The following SCEL variants were observed in gnomAD, a reference collection of about 807,000 sequenced individuals.
The protein encoded by SCEL is sciellin.
SCEL carries 113 observed loss-of-function variants against 117.6 expected under a neutral mutation model. The observed-to-expected ratio is 0.96, with a 90% CI of 0.83 to 1.12. The LOEUF is 1.12. SCEL is among the 50% of genes most tolerant of loss of function. The pLI is 0.00. For synonymous variants in SCEL, 270 were observed against 256.2 expected, an observed-to-expected ratio of 1.05 and a Z score of -0.51; for missense variants, 785 against 810.8, an observed-to-expected ratio of 0.97 and a Z score of 0.39.
intron 19 of SCEL, 60 bp downstream of exon 19, chr13:77,604,475 C>T: frequency 1.5e-6 from 2 of 1,362,276 alleles, no homozygotes; most frequent in East Asian, 2.6e-5. Flanking sequence ...CGTTAGAATT[C>T]TGAGTGTTGG....
At chr13:77,601,126 T>A (rs1020051214) in intron 15 of SCEL, among the ~76,000 whole-genome samples, 8 of 152,132 alleles carry the variant, frequency 5.3e-5, no homozygotes, top group African/African-American at 1.9e-4. Context: ...TTTTTTTTTT[T>A]TTTGTACATG....
At chr13:77,610,188 T>A in intron 22 of SCEL, 82 bp downstream of exon 22, 1 of 996,928 alleles carries the variant, frequency 1.0e-6, no homozygotes, top group Non-Finnish European at 1.5e-6. Flanking sequence ...TGCGGTGGCT[T>A]ACGCCTGTAA....
intron 1 of SCEL, among the ~76,000 whole-genome samples, chr13:77,547,308 C>G (rs889327455): frequency 6.6e-6 from 1 of 152,074 alleles, no homozygotes; most frequent in Non-Finnish European, 1.5e-5. Context: ...TAGATTTACC[C>G]TGAAATCTAT....
chr13:77,599,357 G>A lies in SCEL; in HGVS notation c.826G>A (p.Ala276Thr). ...RNQGLDSLFRANPKVEEREKR... is the reference protein window; with the variant it reads ...RNQGLDSLFRTNPKVEEREKR... ...TCAAGGTCTTGATAGTCTCTTCAGAGCAAATCCAAAGGTAGAAGAAAGAGA... is the reference window on the plus strand; with the variant it reads ...TCAAGGTCTTGATAGTCTCTTCAGAACAAATCCAAAGGTAGAAGAAAGAGA... The change falls in exon 14 of 33, where the codon GCA becomes ACA. Residue 276 changes from alanine (A) to threonine (T), a missense_variant. Physicochemically the swap from Ala to Thr is moderately conservative, Grantham distance 58. Transcript: ENST00000349847. 1 of 1,612,908 alleles carries A rather than the reference G, an allele frequency of 6.2e-7. No homozygotes were observed. The highest frequency in any genetic ancestry group is 8.5e-7 in the Non-Finnish European group (1 of 1,179,280).
intron 1 of SCEL, among the ~76,000 whole-genome samples, chr13:77,545,797 G>A (rs1439116921): frequency 6.6e-6 from 1 of 152,236 alleles, no homozygotes; most frequent in African/African-American, 2.4e-5. Context: ...ATGCCAAAAG[G>A]GAAAGAAAGA....
rs1235211624 is a variant in SCEL, at chr13:77,596,487, A to T, written c.753-1058A>T. ...TTCATGAGCTTATGAATCTTTTCTGAGGTGGGTATGATTAGTATTCTCATT... is the reference window on the plus strand; with the variant it reads ...TTCATGAGCTTATGAATCTTTTCTGTGGTGGGTATGATTAGTATTCTCATT... On this transcript the variant is annotated intron_variant, in intron 12 of 32. Coordinates refer to ENST00000349847, the MANE Select transcript of SCEL (RefSeq NM_144777.3). Among the ~76,000 whole-genome samples, 5 of 152,044 alleles carry T rather than the reference A, an allele frequency of 3.3e-5. No individual in the cohort carries two copies. The East Asian group carries it at 9.6e-4, about 29-fold the overall frequency.
chr13:77,611,403 G>A (rs929878933), intron 22 of SCEL, among the ~76,000 whole-genome samples: 1 of 152,146 alleles, frequency 6.6e-6, no homozygotes, highest in African/African-American at 2.4e-5. Context: ...CTGAAATACA[G>A]CCTACCACCC....
Position 77,637,201 on chromosome 13 carries a change from A to G in SCEL, c.1838+7A>G. On this transcript the variant is annotated splice_region_variant and intron_variant, in intron 30 of 32. Coordinates refer to ENST00000349847, the MANE Select transcript of SCEL (RefSeq NM_144777.3). ...TTTATTCAACTTCTGATAGGTGAGT[A>G]TGTCTTTATTTCCATACATAAAAAG... 6.1e-6 allele frequency: 9 copies of G among 1,472,230 alleles called. No homozygotes were observed. Among genetic ancestry groups the G allele is most frequent in the Non-Finnish European group, 8.3e-6 (9 of 1,083,538 alleles). 91.2% of individuals were successfully genotyped at this position (1,472,230 alleles called of 1,614,324 possible). A position where few individuals can be genotyped will look rare whatever the true frequency, so the allele number is the denominator to read the frequency against.
intron 24 of SCEL, among the ~76,000 whole-genome samples, chr13:77,616,004 CTG>C (rs1169054133): frequency 0.02 from 2,252 of 114,198 alleles, 29 homozygotes; most frequent in East Asian, 0.054. Context: ...TTATGTCTCT[CTG>C]TGTGTGTGTG....
intron 8 of SCEL, among the ~76,000 whole-genome samples, chr13:77,570,317 C>G (rs1204054184): frequency 2.0e-5 from 3 of 152,200 alleles, no homozygotes; most frequent in Non-Finnish European, 4.4e-5. Flanking sequence ...ACCCAAATTT[C>G]ATGTCCCTTG....
At chr13:77,635,644 TTTAA>T (rs2090242897) in intron 29 of SCEL, among the ~76,000 whole-genome samples, 1 of 152,230 alleles carries the variant, frequency 6.6e-6, no homozygotes, top group African/African-American at 2.4e-5. Context: ...CTCGAGATTT[TTTAA>T]TTAATAGGAT....
Position 77,609,087 on chromosome 13 carries a change from T to A in SCEL, c.1247T>A (p.Val416Glu). 6.3e-7 allele frequency: 1 copy of A among 1,597,548 alleles called. No individual in the cohort carries two copies. Among genetic ancestry groups the A allele is most frequent in the Non-Finnish European group, 8.5e-7 (1 of 1,175,870 alleles). Reference protein sequence around the residue: ...GSKDLNNFIKVYPGTEKSTEG... With the variant: ...GSKDLNNFIKEYPGTEKSTEG... ...AAAGACCTTAATAACTTCATCAAAG[T>A]GTATCCAGGAACAGAAAAAAGTACT... The change falls in exon 21 of 33, where the codon GTG becomes GAG. Residue 416 changes from valine to glutamate, a missense_variant. Transcript: ENST00000349847.
intron 3 of SCEL, among the ~76,000 whole-genome samples, chr13:77,559,451 C>T (rs939484826): frequency 6.6e-6 from 1 of 152,056 alleles, no homozygotes; most frequent in Admixed American, 6.6e-5. Context: ...GACTTCATGC[C>T]AAAAAGGACT....
chr13:77,593,464 A>G (rs1178887780), intron 11 of SCEL, 50 bp from the exon 12 acceptor site: 2 of 1,447,246 alleles, frequency 1.4e-6, no homozygotes, highest in South Asian at 2.4e-5. Flanking sequence ...TAGCTCCTTC[A>G]AAAATAGCTC....
rs866866919 is a variant in SCEL, at chr13:77,554,979, A to G, written c.-19-878A>G. Among the ~76,000 whole-genome samples, 14 of 152,306 alleles carry G rather than the reference A, an allele frequency of 9.2e-5. No homozygotes were observed. In the Middle Eastern group the frequency reaches 0.014, roughly 148 times the overall value. On this transcript the variant is annotated intron_variant, in intron 1 of 32. Transcript: ENST00000349847. ...TAACTAAGGCACACAAAGGCCCCCAATATATTTATGATCCACAAAAGCATT... is the reference window on the plus strand; with the variant it reads ...TAACTAAGGCACACAAAGGCCCCCAGTATATTTATGATCCACAAAAGCATT...
chr13:77,582,661 T>G (rs1230581527), intron 9 of SCEL, among the ~76,000 whole-genome samples: 3 of 152,224 alleles, frequency 2.0e-5, no homozygotes, highest in Non-Finnish European at 2.9e-5. Context: ...TTTTTTCCAG[T>G]GTGTGGCTTG....
chr13:77,591,668 C>G (rs1003831285), intron 11 of SCEL, among the ~76,000 whole-genome samples: 2 of 152,072 alleles, frequency 1.3e-5, no homozygotes, highest in Non-Finnish European at 2.9e-5. Context: ...AGAAAACTAC[C>G]AAAATGGTGT....
chr13:77,589,330 C>G, intron 10 of SCEL, 106 bp downstream of exon 10: 1 of 740,656 alleles, frequency 1.4e-6, no homozygotes, highest in Non-Finnish European at 2.2e-6. Context: ...TTTGTGTGCA[C>G]ATTCCCTAAA....
intron 10 of SCEL, among the ~76,000 whole-genome samples, chr13:77,591,146 CAT>C: frequency 6.6e-6 from 1 of 152,092 alleles, no homozygotes; most frequent in Admixed American, 6.5e-5. Context: ...ACAACATAAA[CAT>C]ATTTAGAACT....
Sources: allele counts gnomAD v4.1 joint callset (sites outside exome capture counted in the v4.1 genomes callset), GRCh38; gene constraint gnomAD v4.1.1; transcripts MANE v1.5; gene names NCBI Gene and HGNC (gene_info 2026-07-23, HGNC 2026-07-21).